CDON: variants seen among roughly 807,000 people sequenced by gnomAD.
CDON encodes cell adhesion molecule-related/down-regulated by oncogenes.
Under a neutral mutation model 120.9 loss-of-function variants are expected in CDON, and 73 were observed. The ratio of observed to expected loss-of-function variants is 0.60; its 90% CI spans 0.50 to 0.73. CDON has a LOEUF of 0.73. Among genes scored for constraint, CDON ranks in the 30% least tolerant of loss-of-function variants. The pLI is 0.00. For synonymous variants in CDON, 566 were observed against 573.5 expected (o/e 0.99, Z 0.19); for missense variants, 1,470 against 1,587.3 (o/e 0.93, Z 1.26).
At chr11:126,009,511 T>C (rs1947231164) in intron 8 of CDON, among the ~76,000 whole-genome samples, 1 of 152,160 alleles carries the variant, frequency 6.6e-6, no homozygotes, top group African/African-American at 2.4e-5. Context: ...GAGCTCAGCA[T>C]AAGCACTGCT....
At chr11:126,043,306 A>G (rs946056212) in intron 1 of CDON, among the ~76,000 whole-genome samples, 6 of 152,170 alleles carry the variant, frequency 3.9e-5, no homozygotes, top group South Asian at 2.1e-4. Flanking sequence ...GAAGTGGCCA[A>G]CAGGAAACTT....
At chr11:126,018,647 C>T (rs760990145) in intron 4 of CDON, among the ~76,000 whole-genome samples, 174 bp from the exon 5 acceptor site, 1 of 152,166 alleles carries the variant, frequency 6.6e-6, no homozygotes, top group African/African-American at 2.4e-5. Flanking sequence ...TGGCTCGCTA[C>T]AGCCTGGAAC....
At chr11:126,044,474 TA>T (rs1406874963) in intron 1 of CDON, among the ~76,000 whole-genome samples, 26 of 152,154 alleles carry the variant, frequency 1.7e-4, no homozygotes, top group Admixed American at 1.1e-3. Context: ...ATTGCCAAAA[TA>T]TAGAATCAAC....
chr11:125,983,282 T>C (rs1001078687), intron 16 of CDON, among the ~76,000 whole-genome samples: 1 of 151,366 alleles, frequency 6.6e-6, no homozygotes, highest in Non-Finnish European at 1.5e-5. Context: ...AGAAAGGGGG[T>C]TCTAGGTTAC....
chr11:126,001,233 G>C (rs1946934928), intron 11 of CDON, among the ~76,000 whole-genome samples: 1 of 149,636 alleles, frequency 6.7e-6, no homozygotes, highest in East Asian at 2.0e-4. Context: ...TGTCATCCAG[G>C]CTGGAGTGCG....
At chr11:125,995,253 G>A (rs547796987) in intron 12 of CDON, among the ~76,000 whole-genome samples, 18 of 152,256 alleles carry the variant, frequency 1.2e-4, no homozygotes, top group East Asian at 1.2e-3. Context: ...TGGCTGCTCC[G>A]TGCATGGTGT....
rs1329134562 is a variant in CDON at position 126,017,076 on chromosome 11, C to CTTG, written c.928+11_928+12insCAA. 1 of 1,611,738 alleles carries CTTG rather than the reference C, an allele frequency of 6.2e-7. No individual in the cohort carries two copies. Among genetic ancestry groups the CTTG allele is most frequent in the East Asian group, 2.2e-5 (1 of 44,840 alleles). On this transcript the variant is annotated intron_variant, in intron 6 of 19. Transcript: ENST00000531738. ...GGCTTCATTTGAAAAAAATTAAAAA[C>CTTG]TAACATCTTACCAAGTACATTAACC...
intron 14 of CDON, among the ~76,000 whole-genome samples, chr11:125,993,544 G>A (rs1435882218): frequency 6.6e-6 from 1 of 152,198 alleles, no homozygotes; most frequent in Admixed American, 6.5e-5. Context: ...AAGTTATGGG[G>A]AAGAGTTCAC....
At chr11:126,055,540 A>G (rs185567547) in intron 1 of CDON, among the ~76,000 whole-genome samples, 3,715 of 152,258 alleles carry the variant, frequency 0.024, 79 homozygotes, top group Middle Eastern at 0.071. Flanking sequence ...ATCCCAGAAA[A>G]GATCTTGAAT....
At chr11:126,042,516 T>C (rs896621146) in intron 1 of CDON, among the ~76,000 whole-genome samples, 13 of 152,378 alleles carry the variant, frequency 8.5e-5, no homozygotes, top group African/African-American at 3.1e-4. Flanking sequence ...ATGCATCCTA[T>C]TGAACAAGTG....
At position 126,021,645 on chromosome 11, in the gene CDON, G is replaced by C; in HGVS notation, c.77-125C>G. On this transcript the variant is annotated intron_variant, in intron 2 of 19. Coordinates refer to ENST00000531738, the MANE Select transcript of CDON (RefSeq NM_001378964.1). Reference sequence around the variant, plus strand: ...AAAGGCAATCTTTTATTTTATATATGTTATGGTTCTTGATGCTTGTAAAAG... The same window carrying C: ...AAAGGCAATCTTTTATTTTATATATCTTATGGTTCTTGATGCTTGTAAAAG... The C allele has an allele frequency of 6.9e-6, 6 of 867,078 alleles. 1 individual carries two copies. The South Asian group carries it at 8.8e-5, about 13-fold the overall frequency. 53.7% of individuals were successfully genotyped at this position (867,078 alleles called of 1,614,324 possible). A position where few individuals can be genotyped will look rare whatever the true frequency, so the allele number is the denominator to read the frequency against.
intron 18 of CDON, among the ~76,000 whole-genome samples, chr11:125,973,016 G>GTTTTTTTTTTT (rs1946046616): frequency 1.4e-5 from 1 of 70,644 alleles, no homozygotes; most frequent in African/African-American, 5.6e-5. Flanking sequence ...CAATTACTTG[G>GTTTTTTTTTTT]TCTTTTTTTT....
At chr11:125,994,507 T>A (rs1946723459) in intron 13 of CDON, 118 bp from the exon 14 acceptor site, 1 of 695,898 alleles carries the variant, frequency 1.4e-6, no homozygotes, top group Non-Finnish European at 2.6e-6. Context: ...AACATACTAA[T>A]AATGGCCATT....
chr11:125,968,415 C>T (rs1322690962), intron 18 of CDON, among the ~76,000 whole-genome samples: 3 of 152,248 alleles, frequency 2.0e-5, no homozygotes, highest in Admixed American at 2.0e-4. Context: ...TGAAGTTTTA[C>T]ACATGGGGCA....
chr11:126,030,354 A>T (rs1157820210), intron 1 of CDON, among the ~76,000 whole-genome samples: 6 of 152,196 alleles, frequency 3.9e-5, no homozygotes, highest in Admixed American at 2.0e-4. Context: ...TTTTGAAGCA[A>T]CGCCTTTGCT....
At chr11:125,979,136 G>T (rs1190326028) in intron 17 of CDON, among the ~76,000 whole-genome samples, 1 of 152,208 alleles carries the variant, frequency 6.6e-6, no homozygotes, top group Non-Finnish European at 1.5e-5. Context: ...AAGAAAAACA[G>T]CAGAACTGAA....
rs1405858405 is a variant in CDON at position 125,994,937 on chromosome 11, T to C, written c.2478A>G (p.Pro826=). 7.4e-6 allele frequency: 12 copies of C among 1,614,170 alleles called. No homozygotes were observed. The highest frequency in any genetic ancestry group is 1.1e-5 in the South Asian group (1 of 91,080). Residue 826 remains proline, a synonymous_variant, in exon 13 of 20, where the codon CCA becomes CCG. Coordinates refer to ENST00000531738, the MANE Select transcript of CDON (RefSeq NM_001378964.1). Reference sequence around the variant, plus strand: ...TGTATGCAATGTGAGGTCCAGTTATTGGACGGCTGGAAAAGCGATTGGGGA... The same window carrying C: ...TGTATGCAATGTGAGGTCCAGTTATCGGACGGCTGGAAAAGCGATTGGGGA... ...VGFPNRFSSR[P]ITGPHIAYTE...
chr11:126,048,453 G>A (rs1015701493), intron 1 of CDON, among the ~76,000 whole-genome samples: 3 of 152,124 alleles, frequency 2.0e-5, no homozygotes, highest in Admixed American at 6.5e-5. Flanking sequence ...CAGCAGCAAC[G>A]TTCAACACCC....
intron 18 of CDON, among the ~76,000 whole-genome samples, chr11:125,966,651 A>T (rs747336939): frequency 2.0e-5 from 3 of 152,192 alleles, no homozygotes; most frequent in Non-Finnish European, 4.4e-5. Context: ...ATACAAAGAA[A>T]ATTACACCGA....
Sources: allele counts gnomAD v4.1 joint callset (sites outside exome capture counted in the v4.1 genomes callset), GRCh38; gene constraint gnomAD v4.1.1; transcripts MANE v1.5; gene names NCBI Gene and HGNC (gene_info 2026-07-23, HGNC 2026-07-21).